Variants in IGSF5 observed in about 807,000 individuals in gnomAD.
The protein encoded by IGSF5 is immunoglobulin superfamily member 5, also known as immunoglobulin superfamily 5 like.
A neutral mutation model predicts 39.4 loss-of-function variants in IGSF5; 41 were observed. The observed-to-expected ratio is 1.04, with a 90% CI of 0.81 to 1.35. The LOEUF is 1.35. Ranked by LOEUF, IGSF5 falls within the 40% of genes most tolerant of loss-of-function variation. The pLI, the probability that IGSF5 is intolerant of heterozygous loss-of-function variation, is 0.00. For missense variants in IGSF5, 487 were observed against 494.6 expected (o/e 0.98, Z 0.15); for synonymous variants, 183 against 175.3 (o/e 1.04, Z -0.34).
chr21:39,736,205 A>G, the IGSF5 span, among the ~76,000 whole-genome samples: 2 of 152,100 alleles, frequency 1.3e-5, no homozygotes, highest in Non-Finnish European at 2.9e-5. Flanking sequence ...CTTAATGCCT[A>G]AAATCTGCCC....
chr21:39,722,300 A>C, the IGSF5 span, among the ~76,000 whole-genome samples: 1 of 152,198 alleles, frequency 6.6e-6, no homozygotes, highest in African/African-American at 2.4e-5. Flanking sequence ...ATGCACCCTC[A>C]GTCATGCTGT....
intron 4 of IGSF5, among the ~76,000 whole-genome samples, chr21:39,776,186 G>A (rs73904418): frequency 0.096 from 13,108 of 137,204 alleles, 620 homozygotes; most frequent in South Asian, 0.18. Flanking sequence ...ATACATGCAT[G>A]TGTGTATACC....
At chr21:39,782,465 A>T (rs1378961861) in intron 5 of IGSF5, among the ~76,000 whole-genome samples, 1 of 152,202 alleles carries the variant, frequency 6.6e-6, no homozygotes, top group African/African-American at 2.4e-5. Context: ...CTACAGATCT[A>T]GGTTCATCTT....
the IGSF5 span, among the ~76,000 whole-genome samples, chr21:39,735,018 C>A: frequency 6.6e-6 from 1 of 151,964 alleles, no homozygotes; most frequent in Non-Finnish European, 1.5e-5. Context: ...TGTGTGCCAC[C>A]ACACCTGGAT....
At chr21:39,726,094 T>C in the IGSF5 span, 1 of 152,394 alleles carries the variant, frequency 6.6e-6, no homozygotes. Flanking sequence ...CGGTATGTTG[T>C]CTGGTTCCTA....
the IGSF5 span, among the ~76,000 whole-genome samples, chr21:39,719,686 A>C: frequency 1.3e-5 from 2 of 152,258 alleles, no homozygotes; most frequent in African/African-American, 4.8e-5. Flanking sequence ...ACTGCTGCAC[A>C]TCACACCACT....
chr21:39,783,786 T>A (rs1336297970), intron 5 of IGSF5, among the ~76,000 whole-genome samples: 1 of 152,230 alleles, frequency 6.6e-6, no homozygotes. Flanking sequence ...AGCCATAAAA[T>A]CTTTGTCTAG....
the IGSF5 span, among the ~76,000 whole-genome samples, chr21:39,739,686 G>C: frequency 2.0e-5 from 3 of 152,082 alleles, no homozygotes; most frequent in Non-Finnish European, 4.4e-5. Flanking sequence ...GTGTAGTAGG[G>C]GTTGTGCAGT....
At chr21:39,759,977 T>A (rs1233255658) in intron 2 of IGSF5, among the ~76,000 whole-genome samples, 1 of 151,988 alleles carries the variant, frequency 6.6e-6, no homozygotes, top group Non-Finnish European at 1.5e-5. Context: ...TATGGGCTAA[T>A]TCTAGAGCTC....
chr21:39,761,410 C>A (rs1399774997), intron 2 of IGSF5, among the ~76,000 whole-genome samples: 1 of 152,138 alleles, frequency 6.6e-6, no homozygotes, highest in African/African-American at 2.4e-5. Context: ...AAGTGGTATC[C>A]AATTAAGCTA....
chr21:39,728,995 C>T, the IGSF5 span: 1 of 152,128 alleles, frequency 6.6e-6, no homozygotes, highest in Admixed American at 6.6e-5. Context: ...AATCTTTGCC[C>T]AATAATTTAC....
chr21:39,750,287 T>C (rs539607959), intron 2 of IGSF5, among the ~76,000 whole-genome samples: 3 of 152,280 alleles, frequency 2.0e-5, no homozygotes, highest in East Asian at 3.9e-4. Flanking sequence ...TTGGTGCCTA[T>C]TACATGCAGA....
intron 4 of IGSF5, among the ~76,000 whole-genome samples, chr21:39,777,044 T>G (rs933468289): frequency 1.1e-4 from 17 of 152,184 alleles, no homozygotes; most frequent in Non-Finnish European, 1.9e-4. Flanking sequence ...GAGTTGTTAT[T>G]GGTAAGTGAG....
rs770939853 is a variant in IGSF5, at chr21:39,779,115, A to G, written c.744A>G (p.Pro248=). Residue 248 remains proline, a synonymous_variant, in exon 5 of 9, where the codon CCA becomes CCG. Coordinates refer to ENST00000380588, the MANE Select transcript of IGSF5 (RefSeq NM_001080444.2). ...ACACTGGAGGTGGTATTAATATTCC[A>G]GGTGTATTATCAAGTTTACCGAGTT... ...PQDTGGGINI[P]GVLSSLPSLG... The G allele has an allele frequency of 2.5e-6, 4 of 1,612,564 alleles. No individual in the cohort carries two copies. The highest frequency in any genetic ancestry group is 3.4e-6 in the Non-Finnish European group (4 of 1,178,646).
the IGSF5 span, among the ~76,000 whole-genome samples, chr21:39,739,309 T>G: frequency 6.6e-6 from 1 of 151,632 alleles, no homozygotes; most frequent in Non-Finnish European, 1.5e-5. Context: ...AAAATAGAGC[T>G]CCCATACAAA....
intron 2 of IGSF5, among the ~76,000 whole-genome samples, chr21:39,747,101 G>A (rs867196642): frequency 6.6e-6 from 1 of 152,176 alleles, no homozygotes; most frequent in Non-Finnish European, 1.5e-5. Context: ...CTGTTTTCAC[G>A]CTGCTGAAGT....
rs370185627 is a variant in IGSF5, at chr21:39,790,662, A to AAAC, written c.957-1333_957-1331dup. Among the ~76,000 whole-genome samples, 3 of 152,174 alleles carry AAAC rather than the reference A, an allele frequency of 2.0e-5. No individual in the cohort carries two copies. In the South Asian group the frequency reaches 6.2e-4, roughly 32 times the overall value. ...GACAGAGTGAGACCTTGTCACCAAG[A>AAAC]AACAACAACAACAACGTCAAAAAAC... On this transcript the variant is annotated intron_variant, in intron 6 of 8. Coordinates refer to ENST00000380588, the MANE Select transcript of IGSF5 (RefSeq NM_001080444.2).
Position 39,782,342 on chromosome 21 carries a change from T to A in IGSF5, c.934+3037T>A, listed in dbSNP as rs1449447632. Among the ~76,000 whole-genome samples the A allele has an allele frequency of 5.3e-5, 8 of 152,350 alleles. No homozygotes were observed. The South Asian group carries it at 1.7e-3, about 32-fold the overall frequency. On this transcript the variant is annotated intron_variant, in intron 5 of 8. Transcript: ENST00000380588. ...GTTTATTGTTAAAACTTGTTTATTT[T>A]AAAAAATTGTGGCAAAATCTACATA...
At chr21:39,773,131 C>T (rs1336250311) in intron 4 of IGSF5, among the ~76,000 whole-genome samples, 1 of 152,122 alleles carries the variant, frequency 6.6e-6, no homozygotes, top group Non-Finnish European at 1.5e-5. Context: ...CTCCTCCCAC[C>T]CTCCACCCTC....
Sources: gnomAD v4.1 joint callset for allele counts (sites outside exome capture counted in the v4.1 genomes callset) on GRCh38, gnomAD v4.1.1 for gene constraint, MANE v1.5 for transcripts, NCBI Gene and HGNC (gene_info 2026-07-23, HGNC 2026-07-21) for gene names.